GFOD2: variants seen among roughly 807,000 people sequenced by gnomAD.
The protein encoded by GFOD2 is glucose-fructose oxidoreductase domain-containing protein 2.
GFOD2 carries 9 observed loss-of-function variants against 24.6 expected under a neutral mutation model. The observed-to-expected ratio is 0.37, with a 90% CI of 0.22 to 0.64. The LOEUF (loss-of-function observed/expected upper bound fraction) is 0.64, where lower values mean the gene tolerates loss of function less well. Ranked by LOEUF, GFOD2 falls within the 30% of genes least tolerant of loss-of-function variation. The pLI, the probability that GFOD2 is intolerant of heterozygous loss-of-function variation, is 0.65. For synonymous variants in GFOD2, 211 were observed against 224.8 expected, an observed-to-expected ratio of 0.94 and a Z score of 0.55; for missense variants, 476 against 532.5, an observed-to-expected ratio of 0.89 and a Z score of 1.04.
At chr16:67,700,053 C>T (rs907868124) in intron 1 of GFOD2, among the ~76,000 whole-genome samples, 7 of 151,910 alleles carry the variant, frequency 4.6e-5, no homozygotes, top group African/African-American at 1.5e-4. Flanking sequence ...TCAGCCTGGG[C>T]AACAAGAGCA....
intron 1 of GFOD2, among the ~76,000 whole-genome samples, chr16:67,699,297 G>A (rs1241980992): frequency 6.6e-6 from 1 of 151,882 alleles, no homozygotes; most frequent in Non-Finnish European, 1.5e-5. Flanking sequence ...AGCTGAGATC[G>A]CACCACTGGC....
At chr16:67,701,607 T>C (rs1462083812) in intron 1 of GFOD2, among the ~76,000 whole-genome samples, 1 of 152,128 alleles carries the variant, frequency 6.6e-6, no homozygotes, top group African/African-American at 2.4e-5. Flanking sequence ...TGGGGCTAAG[T>C]GTAGACAACA....
intron 1 of GFOD2, among the ~76,000 whole-genome samples, chr16:67,700,660 T>A (rs981400984): frequency 6.7e-6 from 1 of 149,896 alleles, no homozygotes; most frequent in Admixed American, 6.7e-5. Flanking sequence ...TGCAGTGAAC[T>A]GAGATTGTGC....
In GFOD2 at chr16:67,685,674, G is replaced by A. The variant is rs1286798518; in HGVS notation, c.42C>T (p.Ser14=). The A allele has an allele frequency of 6.2e-7, 1 of 1,613,600 alleles. No individual in the cohort carries two copies. The highest frequency in any genetic ancestry group is 8.5e-7 in the Non-Finnish European group (1 of 1,180,010). Residue 14 remains serine, a synonymous_variant, in exon 2 of 3, where the codon AGC becomes AGT. Coordinates refer to ENST00000268797, the MANE Select transcript of GFOD2 (RefSeq NM_030819.4). ...GCAGTGGGACCAGAACTCGGGCGGAGCTGCCAGTCCCAAACACGCCCACTC... is the reference window on the plus strand; with the variant it reads ...GCAGTGGGACCAGAACTCGGGCGGAACTGCCAGTCCCAAACACGCCCACTC... ...LPGVGVFGTG[S]SARVLVPLLR... is the part of the protein sequence containing the mutation.
At chr16:67,703,394 A>G (rs1246770278) in intron 1 of GFOD2, among the ~76,000 whole-genome samples, 7 of 152,064 alleles carry the variant, frequency 4.6e-5, no homozygotes, top group Admixed American at 4.6e-4. Context: ...CAAGAGCAAA[A>G]CTCTGTCTCA....
intron 1 of GFOD2, among the ~76,000 whole-genome samples, chr16:67,712,016 A>G (rs534415161): frequency 8.5e-5 from 13 of 152,248 alleles, no homozygotes; most frequent in Admixed American, 5.9e-4. Flanking sequence ...CCTTGAAGAC[A>G]ACAAATTTTT....
chr16:67,682,657 A>C, intron 2 of GFOD2: 1 of 985,384 alleles, frequency 1.0e-6, no homozygotes, highest in Non-Finnish European at 1.2e-6. Context: ...TATCTCTGGA[A>C]GGTTAAGTCC....
At chr16:67,680,938 G>A in intron 2 of GFOD2, 2 of 985,410 alleles carry the variant, frequency 2.0e-6, no homozygotes, top group Non-Finnish European at 2.4e-6. Context: ...GGACAATAAA[G>A]AACAGCCAGC....
chr16:67,712,274 TC>T lies in GFOD2; in HGVS notation c.-88+6888del, dbSNP rs2053479599. Among the ~76,000 whole-genome samples the T allele has an allele frequency of 3.6e-3, 300 of 82,560 alleles. 8 individuals carry two copies. The highest frequency in any genetic ancestry group is 0.017 in the African/African-American group (294 of 17,520). The allele number at this position is 82,560 out of a possible 152,430, so 54.2% of individuals were successfully genotyped here. The stretch of plus-strand genomic sequence containing the variant: ...ATAAAGAGCTCCCTCTCCCTCTCCC[TC>T]TCCCCCTCCCCCTCCCCCTCCCCCT... On this transcript the variant is annotated intron_variant, in intron 1 of 2. Transcript: ENST00000268797.
intron 1 of GFOD2, among the ~76,000 whole-genome samples, chr16:67,696,947 A>C (rs1415606969): frequency 6.6e-6 from 1 of 152,186 alleles, no homozygotes; most frequent in Non-Finnish European, 1.5e-5. Context: ...TGTTAATTTC[A>C]GTGGCTACCC....
chr16:67,704,828 T>C (rs893407228), intron 1 of GFOD2, among the ~76,000 whole-genome samples: 1 of 152,250 alleles, frequency 6.6e-6, no homozygotes, highest in Non-Finnish European at 1.5e-5. Context: ...CAGGGATCAT[T>C]TGTTTGATGA....
chr16:67,684,654 C>T, intron 2 of GFOD2: 1 of 686,368 alleles, frequency 1.5e-6, no homozygotes, highest in Non-Finnish European at 1.8e-6. Flanking sequence ...CGGGATTGCG[C>T]CATTGAACTC....
intron 1 of GFOD2, among the ~76,000 whole-genome samples, chr16:67,712,881 G>A (rs1262411750): frequency 9.2e-6 from 1 of 108,674 alleles, no homozygotes; most frequent in Non-Finnish European, 1.7e-5. Flanking sequence ...GAAGTGAGGA[G>A]CGTCTCTGCC....
At chr16:67,682,897 T>C in intron 2 of GFOD2, 1 of 880,628 alleles carries the variant, frequency 1.1e-6, no homozygotes. Flanking sequence ...CCTGCAAGGC[T>C]TGTTCAGACA....
intron 1 of GFOD2, among the ~76,000 whole-genome samples, chr16:67,714,089 A>G (rs2053492862): frequency 6.6e-6 from 1 of 152,152 alleles, no homozygotes; most frequent in Non-Finnish European, 1.5e-5. Context: ...GTATTTCACA[A>G]TATCACAGCC....
intron 2 of GFOD2, chr16:67,681,097 C>T (rs1467227615): frequency 1.0e-6 from 1 of 985,346 alleles, no homozygotes; most frequent in Non-Finnish European, 1.2e-6. Flanking sequence ...AAGACAATCA[C>T]AGTTCTGGGG....
chr16:67,681,766 A>G, intron 2 of GFOD2: 1 of 985,396 alleles, frequency 1.0e-6, no homozygotes, highest in Middle Eastern at 5.2e-4. Context: ...GACTGCAAGG[A>G]CATCTTGACT....
intron 2 of GFOD2, chr16:67,682,511 G>C: frequency 1.0e-6 from 1 of 985,310 alleles, no homozygotes; most frequent in Non-Finnish European, 1.2e-6. Context: ...AAATATATTA[G>C]GGCCCTTCCC....
At position 67,719,285 on chromosome 16, in the gene GFOD2, C is replaced by A. The variant is rs777156217; in HGVS notation, c.-210G>T. The A allele has an allele frequency of 6.6e-6, 1 of 152,170 alleles. No homozygotes were observed. The highest frequency in any genetic ancestry group is 1.5e-5 in the Non-Finnish European group (1 of 68,066). 9.4% of individuals were successfully genotyped at this position (152,170 alleles called of 1,614,324 possible). A position where few individuals can be genotyped will look rare whatever the true frequency, so the allele number is the denominator to read the frequency against. On this transcript the variant is annotated 5_prime_UTR_variant, in exon 1 of 3. Coordinates refer to ENST00000268797, the MANE Select transcript of GFOD2 (RefSeq NM_030819.4). ...GATGCGCGGGCCCGGGAGTCCAGGG[C>A]GCCGCCACCGGGAACGCGCCGCCTG...
Sources: allele counts gnomAD v4.1 joint callset (sites outside exome capture counted in the v4.1 genomes callset), GRCh38; gene constraint gnomAD v4.1.1; transcripts MANE v1.5; gene names NCBI Gene and HGNC (gene_info 2026-07-23, HGNC 2026-07-21).